ADAMTS14: variants seen among roughly 807,000 people sequenced by gnomAD.
ADAMTS14 encodes the protein A disintegrin and metalloproteinase with thrombospondin motifs 14.
ADAMTS14 carries 100 observed loss-of-function variants against 128.6 expected under a neutral mutation model. That is an observed-to-expected ratio of 0.78 (90% CI 0.66 to 0.92). ADAMTS14 has a LOEUF of 0.92. Among genes scored for constraint, ADAMTS14 ranks in the 40% least tolerant of loss-of-function variants. ADAMTS14 has a pLI of 0.00. For synonymous variants in ADAMTS14, 665 were observed against 653.8 expected (o/e 1.02, Z -0.26); for missense variants, 1,562 against 1,658.6 (o/e 0.94, Z 1.01).
intron 9 of ADAMTS14, among the ~76,000 whole-genome samples, 191 bp downstream of exon 9, chr10:70,735,492 G>A (rs918635826): frequency 6.6e-6 from 1 of 152,220 alleles, no homozygotes; most frequent in East Asian, 1.9e-4. Context: ...GGACACAGTG[G>A]CTTGGGAATG....
chr10:70,703,961 A>G (rs1249062759), intron 3 of ADAMTS14, among the ~76,000 whole-genome samples: 2 of 152,242 alleles, frequency 1.3e-5, no homozygotes, highest in African/African-American at 4.8e-5. Context: ...GTTGAAGGCC[A>G]GTCGTGGGGC....
chr10:70,728,178 C>T (rs1020877425), intron 4 of ADAMTS14, among the ~76,000 whole-genome samples: 11 of 151,920 alleles, frequency 7.2e-5, no homozygotes, highest in South Asian at 2.1e-4. Context: ...CATAAGCCAC[C>T]GTGCCTATGC....
At chr10:70,678,588 A>G (rs1243973442) in intron 2 of ADAMTS14, among the ~76,000 whole-genome samples, 1 of 150,840 alleles carries the variant, frequency 6.6e-6, no homozygotes, top group Non-Finnish European at 1.5e-5. Context: ...GGACCCTAGA[A>G]GACACGCGGG....
chr10:70,759,159 C>G (rs1048745518), intron 21 of ADAMTS14, among the ~76,000 whole-genome samples: 2 of 78,178 alleles, frequency 2.6e-5, no homozygotes, highest in Admixed American at 1.5e-4. Flanking sequence ...GAGGTTCTGA[C>G]TGGGGGAGTG....
intron 2 of ADAMTS14, among the ~76,000 whole-genome samples, chr10:70,684,298 G>T (rs927529628): frequency 6.6e-6 from 1 of 152,162 alleles, no homozygotes; most frequent in Non-Finnish European, 1.5e-5. Flanking sequence ...TAACATTAGG[G>T]ATTACAATTT....
chr10:70,674,378 A>G (rs1276826931), intron 1 of ADAMTS14, among the ~76,000 whole-genome samples, 178 bp from the exon 2 acceptor site: 1 of 152,120 alleles, frequency 6.6e-6, no homozygotes, highest in Non-Finnish European at 1.5e-5. Context: ...CCTTCATCCA[A>G]GTGTAGGAAT....
chr10:70,682,828 C>T (rs1177194615), intron 2 of ADAMTS14, among the ~76,000 whole-genome samples: 1 of 152,160 alleles, frequency 6.6e-6, no homozygotes, highest in African/African-American at 2.4e-5. Context: ...CGGGGTGCAC[C>T]TTGCTTCTCC....
intron 10 of ADAMTS14, 152 bp from the exon 11 acceptor site, chr10:70,738,690 G>A (rs1213061667): frequency 2.0e-6 from 2 of 1,022,862 alleles, no homozygotes; most frequent in African/African-American, 3.2e-5. Flanking sequence ...GCCCAGAAAG[G>A]CAAGCCTTTT....
intron 15 of ADAMTS14, among the ~76,000 whole-genome samples, chr10:70,746,619 G>A (rs1036756705): frequency 1.4e-4 from 21 of 152,142 alleles, no homozygotes. Context: ...ATCAGCCTGG[G>A]GAACATGGTG....
chr10:70,757,956 C>T lies in ADAMTS14; in HGVS notation c.2938-6C>T, dbSNP rs374152640. 3.7e-5 allele frequency: 60 copies of T among 1,604,594 alleles called. No homozygotes were observed. The Admixed American group carries it at 5.2e-4, about 14-fold the overall frequency. On this transcript the variant is annotated splice_polypyrimidine_tract_variant and splice_region_variant and intron_variant, in intron 19 of 21. Transcript: ENST00000373207. ...GCTATGCCTGGCACTGACCCACCCA[C>T]GGCAGTGCTCTGCCACCTGTGGAGA... is the stretch of plus-strand genomic sequence containing the variant.
At chr10:70,740,798 G>A (rs953998653) in intron 11 of ADAMTS14, among the ~76,000 whole-genome samples, 189 bp from the exon 12 acceptor site, 2 of 152,216 alleles carry the variant, frequency 1.3e-5, no homozygotes, top group African/African-American at 4.8e-5. Flanking sequence ...GGAGGAAGAA[G>A]GATCTGGATA....
rs1374480811 is a variant in ADAMTS14, at chr10:70,702,335, C to T, written c.546C>T (p.Ser182=). Residue 182 remains serine (S), a synonymous_variant, in exon 3 of 22, where the codon AGC becomes AGT. Coordinates refer to ENST00000373207, the MANE Select transcript of ADAMTS14 (RefSeq NM_080722.4). ...AGGCGGGCCTCATCCGCACAGACAGCACCGACTTCTTCATTGAGCCTCTGG... is the reference window on the plus strand; with the variant it reads ...AGGCGGGCCTCATCCGCACAGACAGTACCGACTTCTTCATTGAGCCTCTGG... ...DGLAGLIRTD[S]TDFFIEPLER... 6.2e-7 allele frequency: 1 copy of T among 1,614,224 alleles called. No homozygotes were observed.
intron 7 of ADAMTS14, 21 bp from the exon 8 acceptor site, chr10:70,733,864 C>A: frequency 6.2e-7 from 1 of 1,607,162 alleles, no homozygotes. Context: ...TATCAGGACT[C>A]CTCTGTCTTC....
intron 3 of ADAMTS14, among the ~76,000 whole-genome samples, chr10:70,705,221 C>T (rs370906396): frequency 2.6e-5 from 4 of 152,202 alleles, no homozygotes; most frequent in African/African-American, 4.8e-5. Flanking sequence ...GCCCTCACCC[C>T]GCGGCCCTGC....
intron 6 of ADAMTS14, among the ~76,000 whole-genome samples, chr10:70,731,191 C>T (rs570022872): frequency 6.6e-6 from 1 of 152,194 alleles, no homozygotes; most frequent in East Asian, 1.9e-4. Context: ...GATATACAAA[C>T]ACACACGTAT....
intron 12 of ADAMTS14, among the ~76,000 whole-genome samples, chr10:70,743,096 C>A (rs903502923): frequency 1.3e-5 from 2 of 152,160 alleles, no homozygotes; most frequent in South Asian, 2.1e-4. Flanking sequence ...TCCTTAACCT[C>A]TCTGGTCCTC....
chr10:70,708,428 C>T (rs1431433184), intron 3 of ADAMTS14, among the ~76,000 whole-genome samples, 160 bp from the exon 4 acceptor site: 1 of 152,182 alleles, frequency 6.6e-6, no homozygotes, highest in African/African-American at 2.4e-5. Flanking sequence ...TGGCTCTTGC[C>T]CATGAGTTGA....
chr10:70,746,395 A>G (rs777772766), intron 15 of ADAMTS14, among the ~76,000 whole-genome samples: 1 of 152,242 alleles, frequency 6.6e-6, no homozygotes, highest in African/African-American at 2.4e-5. Flanking sequence ...CAGAGAGAGA[A>G]TAGATCCGTG....
intron 4 of ADAMTS14, among the ~76,000 whole-genome samples, chr10:70,719,874 A>G (rs1228819062): frequency 6.6e-6 from 1 of 152,230 alleles, no homozygotes; most frequent in Non-Finnish European, 1.5e-5. Context: ...AGGTAAGACC[A>G]TGCAGTGGTG....
Sources: allele counts gnomAD v4.1 joint callset (sites outside exome capture counted in the v4.1 genomes callset), GRCh38; gene constraint gnomAD v4.1.1; transcripts MANE v1.5; gene names NCBI Gene and HGNC (gene_info 2026-07-23, HGNC 2026-07-21).